The following SHANK2 variants were observed in gnomAD, a reference collection of about 807,000 sequenced individuals.
SHANK2 encodes the protein SH3 and multiple ankyrin repeat domains protein 2.
SHANK2 carries 43 observed loss-of-function variants against 133.7 expected under a neutral mutation model. That is an observed-to-expected ratio of 0.32 (90% CI 0.25 to 0.41). The LOEUF (loss-of-function observed/expected upper bound fraction) is 0.41. SHANK2 is among the 10% of genes least tolerant of loss of function. SHANK2 has a pLI of 1.00. For missense variants in SHANK2, 1,994 were observed against 2,235.8 expected, an observed-to-expected ratio of 0.89 and a Z score of 2.18; for synonymous variants, 1,017 against 952.8, an observed-to-expected ratio of 1.07 and a Z score of -1.24.
At chr11:70,860,551 T>G (rs186686083) in intron 11 of SHANK2, among the ~76,000 whole-genome samples, 1 of 152,346 alleles carries the variant, frequency 6.6e-6, no homozygotes, top group Admixed American at 6.5e-5. Context: ...CCCCAGGGAC[T>G]GGGACTCAGT....
intron 10 of SHANK2, chr11:70,910,894 TG>T: frequency 2.3e-6 from 1 of 437,294 alleles, no homozygotes; most frequent in Non-Finnish European, 4.6e-6. Flanking sequence ...TGTTGCTTGG[TG>T]GTGCGTGTGT....
chr11:70,726,070 T>A (rs1237058777), intron 14 of SHANK2, among the ~76,000 whole-genome samples: 1 of 152,220 alleles, frequency 6.6e-6, no homozygotes, highest in Non-Finnish European at 1.5e-5. Flanking sequence ...TTCTCCATGC[T>A]CAGCTGAGTT....
chr11:70,600,880 T>A (rs985489661), intron 17 of SHANK2, among the ~76,000 whole-genome samples: 1 of 152,148 alleles, frequency 6.6e-6, no homozygotes, highest in East Asian at 1.9e-4. Context: ...TACAAACTCT[T>A]GGGAGAAGAT....
intron 14 of SHANK2, among the ~76,000 whole-genome samples, chr11:70,732,009 G>A (rs1946300587): frequency 6.6e-6 from 1 of 152,168 alleles, no homozygotes; most frequent in South Asian, 2.1e-4. Flanking sequence ...TCCTCTGAAC[G>A]CAGTCCTCTG....
At chr11:70,619,649 C>A (rs1370414781) in intron 17 of SHANK2, among the ~76,000 whole-genome samples, 2 of 152,318 alleles carry the variant, frequency 1.3e-5, no homozygotes, top group East Asian at 1.9e-4. Flanking sequence ...TGGCCACTGG[C>A]AGGCACAACT....
intron 14 of SHANK2, among the ~76,000 whole-genome samples, chr11:70,713,132 A>C (rs1471767401): frequency 6.6e-6 from 1 of 152,244 alleles, no homozygotes; most frequent in Non-Finnish European, 1.5e-5. Context: ...CCTGTCGGGC[A>C]CGTGCCAGTG....
At chr11:70,814,212 T>G (rs536013063) in intron 12 of SHANK2, among the ~76,000 whole-genome samples, 4 of 152,054 alleles carry the variant, frequency 2.6e-5, no homozygotes, top group Non-Finnish European at 5.9e-5. Flanking sequence ...TAAGCCCAGC[T>G]ACCTGGGAAG....
At chr11:70,742,922 C>T (rs554210648) in intron 14 of SHANK2, among the ~76,000 whole-genome samples, 21 of 152,356 alleles carry the variant, frequency 1.4e-4, no homozygotes, top group African/African-American at 5.1e-4. Flanking sequence ...ACGCCTTGCA[C>T]ATATTTGATG....
chr11:70,725,555 C>T (rs1555030437), intron 14 of SHANK2, among the ~76,000 whole-genome samples: 5 of 152,218 alleles, frequency 3.3e-5, no homozygotes, highest in Non-Finnish European at 7.3e-5. Context: ...AAGAGGCTCA[C>T]TATGGACCGA....
intron 2 of SHANK2, among the ~76,000 whole-genome samples, chr11:71,156,933 C>G (rs1343851651): frequency 6.6e-6 from 1 of 152,158 alleles, no homozygotes; most frequent in Non-Finnish European, 1.5e-5. Context: ...CACATACCTA[C>G]AATGCATGGC....
At chr11:70,523,036 G>A (rs959876667) in intron 17 of SHANK2, among the ~76,000 whole-genome samples, 6 of 152,214 alleles carry the variant, frequency 3.9e-5, no homozygotes, top group Non-Finnish European at 7.3e-5. Flanking sequence ...GAGGGCTTGC[G>A]GGTGCAAGGA....
chr11:70,821,976 A>G (rs1185675856), intron 11 of SHANK2, among the ~76,000 whole-genome samples: 2 of 152,206 alleles, frequency 1.3e-5, no homozygotes, highest in Non-Finnish European at 2.9e-5. Context: ...AATGACAGCA[A>G]CAGCCCCTGG....
At chr11:70,951,776 A>G (rs891091115) in intron 10 of SHANK2, among the ~76,000 whole-genome samples, 1 of 152,198 alleles carries the variant, frequency 6.6e-6, no homozygotes, top group African/African-American at 2.4e-5. Context: ...ACCCCCACCC[A>G]AAGGCTCTAG....
intron 2 of SHANK2, among the ~76,000 whole-genome samples, chr11:71,164,603 A>G (rs1555110461): frequency 6.6e-6 from 1 of 152,250 alleles, no homozygotes; most frequent in South Asian, 2.1e-4. Context: ...AACTGGGAAC[A>G]TCACACAACA....
intron 2 of SHANK2, among the ~76,000 whole-genome samples, chr11:71,197,177 A>C (rs573666934): frequency 1.3e-5 from 2 of 152,208 alleles, no homozygotes; most frequent in South Asian, 4.1e-4. Context: ...AAGGTAGAAG[A>C]ACTTAGTTCC....
At chr11:70,525,540 G>A (rs1554971966) in intron 17 of SHANK2, among the ~76,000 whole-genome samples, 11 of 152,106 alleles carry the variant, frequency 7.2e-5, no homozygotes, top group Non-Finnish European at 2.9e-5. Context: ...AAGGGCATTT[G>A]GAAACGAGCT....
chr11:71,113,300 T>C lies in SHANK2; in HGVS notation c.476A>G (p.His159Arg). ...SLDEKQLAKL[H>R]TKTNLKKCMD... Reference sequence around the variant, plus strand: ...AGCCCGTTCCCTGCATACCTTCGTGTGGAGCTTGGCCAACTGTTTCTCATC... The same window carrying C: ...AGCCCGTTCCCTGCATACCTTCGTGCGGAGCTTGGCCAACTGTTTCTCATC... Residue 159 changes from histidine (H) to arginine (R), a missense_variant, in exon 5 of 26, where the codon CAC (histidine) becomes CGC (arginine). By Grantham distance (29) the His-to-Arg change is conservative. Around this residue, in one of 5 missense-constraint regions of SHANK2, gnomAD observed 653 missense variants for 563.4 expected, o/e 1.16. Coordinates refer to ENST00000601538, the MANE Select transcript of SHANK2 (RefSeq NM_012309.5). 12 of 1,551,724 alleles carry C rather than the reference T, an allele frequency of 7.7e-6. No homozygotes were observed. Among genetic ancestry groups the C allele is most frequent in the Non-Finnish European group, 1.0e-5 (12 of 1,146,990 alleles).
intron 14 of SHANK2, among the ~76,000 whole-genome samples, chr11:70,783,909 A>T (rs1364500348): frequency 2.0e-5 from 3 of 152,142 alleles, no homozygotes; most frequent in Admixed American, 2.0e-4. Flanking sequence ...TCTGGGTCTG[A>T]CCTGCAAGGT....
chr11:71,252,951 CA>C (rs540950784), upstream of SHANK2, among the ~76,000 whole-genome samples: 81 of 152,366 alleles, frequency 5.3e-4, no homozygotes, highest in Admixed American at 2.5e-3. The surrounding 1 kb of genome is among the most constrained non-coding windows in gnomAD (Gnocchi z 6.3). Flanking sequence ...TGGCTCCCGC[CA>C]CAGAGTATTT....
Sources: allele counts gnomAD v4.1 joint callset (sites outside exome capture counted in the v4.1 genomes callset), GRCh38; gene constraint gnomAD v4.1.1; regional missense constraint gnomAD v4.1.1; non-coding constraint Gnocchi (gnomAD v3.1); transcripts MANE v1.5; gene names NCBI Gene and HGNC (gene_info 2026-07-23, HGNC 2026-07-21).